RFTN1: variants seen among roughly 807,000 people sequenced by gnomAD.
The protein encoded by RFTN1 is raftlin, lipid raft linker 1, also known as raftlin.
Under a neutral mutation model 46.5 loss-of-function variants are expected in RFTN1, and 26 were observed. The ratio of observed to expected loss-of-function variants is 0.56; its 90% CI spans 0.41 to 0.78. RFTN1 has a LOEUF of 0.78. Ranked by LOEUF, RFTN1 falls within the 30% of genes least tolerant of loss-of-function variation. The pLI is 0.00. For missense variants in RFTN1, 693 were observed against 718.7 expected, an observed-to-expected ratio of 0.96 and a Z score of 0.41; for synonymous variants, 261 against 284.2, an observed-to-expected ratio of 0.92 and a Z score of 0.82.
At position 16,410,284 on chromosome 3, in the gene RFTN1, G is replaced by A. The variant is rs913945811; in HGVS notation, c.333-801C>T. On this transcript the variant is annotated intron_variant, in intron 3 of 9. Coordinates refer to ENST00000334133, the MANE Select transcript of RFTN1 (RefSeq NM_015150.2). The surrounding 1 kb of genome is among the most constrained non-coding windows in gnomAD (Gnocchi z 4.6). ...AAACTCTCACTCCAGTAATGTCTAT[G>A]TCCCATTGGTTTATATCCGCCAGGG... Among the ~76,000 whole-genome samples, 2 of 149,016 alleles carry A rather than the reference G, an allele frequency of 1.3e-5. No homozygotes were observed. Among genetic ancestry groups the A allele is most frequent in the African/African-American group, 5.0e-5 (2 of 40,042 alleles).
At chr3:16,388,186 C>A (rs2125397787) in intron 4 of RFTN1, among the ~76,000 whole-genome samples, 1 of 152,342 alleles carries the variant, frequency 6.6e-6, no homozygotes, top group Non-Finnish European at 1.5e-5. Context: ...GGCCTCAGCA[C>A]TTTGCAGATC....
At chr3:16,419,546 C>T (rs1238614200) in intron 3 of RFTN1, among the ~76,000 whole-genome samples, 1 of 152,132 alleles carries the variant, frequency 6.6e-6, no homozygotes, top group African/African-American at 2.4e-5. Flanking sequence ...GAATAACCTG[C>T]ACCTTCCCAG....
intron 6 of RFTN1, among the ~76,000 whole-genome samples, chr3:16,368,676 C>T (rs1427740747): frequency 7.1e-6 from 1 of 141,786 alleles, no homozygotes; most frequent in East Asian, 2.1e-4. Context: ...GAGACTCTGT[C>T]CAAAAAAAAA....
In RFTN1 at chr3:16,448,767, C is replaced by T. The variant is rs916788035; in HGVS notation, c.146-14730G>A. On this transcript the variant is annotated intron_variant, in intron 2 of 9. Coordinates refer to ENST00000334133, the MANE Select transcript of RFTN1 (RefSeq NM_015150.2). The surrounding 1 kb of genome is among the most constrained non-coding windows in gnomAD (Gnocchi z 4.1). ...TTCTGCCCCATTGGCAGGCCCCAAA[C>T]ATCCTCCTGAGTCACAAGTCTCACC... 6.6e-6 allele frequency among the ~76,000 whole-genome samples: 1 copy of T among 152,208 alleles called. No homozygotes were observed. Among genetic ancestry groups the T allele is most frequent in the African/African-American group, 2.4e-5 (1 of 41,454 alleles).
intron 4 of RFTN1, among the ~76,000 whole-genome samples, chr3:16,406,629 T>C (rs2074864197): frequency 6.6e-6 from 1 of 152,204 alleles, no homozygotes; most frequent in Non-Finnish European, 1.5e-5. Context: ...CCTATTATTT[T>C]CAAAACGTTA....
chr3:16,367,624 G>A (rs2073271058), intron 6 of RFTN1, among the ~76,000 whole-genome samples: 1 of 152,028 alleles, frequency 6.6e-6, no homozygotes, highest in African/African-American at 2.4e-5. Context: ...CTTCAGGGCA[G>A]GAAGAATGAA....
At chr3:16,454,211 T>C (rs550622548) in intron 2 of RFTN1, among the ~76,000 whole-genome samples, 1 of 152,336 alleles carries the variant, frequency 6.6e-6, no homozygotes, top group African/African-American at 2.4e-5. Flanking sequence ...AACCCACTCT[T>C]ATATATCTTT....
In RFTN1 at chr3:16,383,668, G is replaced by A. The variant is rs376140183; in HGVS notation, c.442-5566C>T. On this transcript the variant is annotated intron_variant, in intron 4 of 9. Transcript: ENST00000334133. This position sits in a 1 kb window ranked among gnomAD's most constrained non-coding sequence, Gnocchi z 4.0. ...ATACTCTATGTGCATGCGAATATAC[G>A]TATTTGTGATTTAGAGTATGTGTAT... 1.6e-4 allele frequency among the ~76,000 whole-genome samples: 24 copies of A among 152,282 alleles called. No individual in the cohort carries two copies. Among genetic ancestry groups the A allele is most frequent in the Middle Eastern group, 6.8e-3 (2 of 294 alleles).
chr3:16,443,835 A>G lies in RFTN1; in HGVS notation c.146-9798T>C, dbSNP rs34796226. Among the ~76,000 whole-genome samples the G allele has an allele frequency of 0.033, 4,977 of 152,218 alleles. 121 individuals carry two copies. Among genetic ancestry groups the G allele is most frequent in the Middle Eastern group, 0.065 (19 of 294 alleles). On this transcript the variant is annotated intron_variant, in intron 2 of 9. Transcript: ENST00000334133. This position sits in a 1 kb window ranked among gnomAD's most constrained non-coding sequence, Gnocchi z 5.5. ...CAGGTATTTGTAAGGAGACTGACTC[A>G]ACAATTTCCATTGACTGCATCCATT...
chr3:16,338,603 A>T lies in RFTN1; in HGVS notation c.1147-11727T>A, dbSNP rs149736244. The stretch of plus-strand genomic sequence containing the variant: ...AAAAAGAAACATTTTCTCCATCCAG[A>T]GACTTGCCAGGTCCCTCCTACTGGC... On this transcript the variant is annotated intron_variant, in intron 7 of 9. Coordinates refer to ENST00000334133, the MANE Select transcript of RFTN1 (RefSeq NM_015150.2). This position sits in a 1 kb window ranked among gnomAD's most constrained non-coding sequence, Gnocchi z 5.3. Among the ~76,000 whole-genome samples the T allele has an allele frequency of 2.4e-3, 359 of 152,330 alleles. 2 individuals carry two copies. The highest frequency in any genetic ancestry group is 7.9e-3 in the African/African-American group (328 of 41,576).
intron 7 of RFTN1, among the ~76,000 whole-genome samples, chr3:16,343,029 G>C (rs183356047): frequency 1.3e-5 from 2 of 152,218 alleles, no homozygotes; most frequent in East Asian, 1.9e-4. Flanking sequence ...TTAATGTAGA[G>C]AGACAAGGTC....
At chr3:16,391,070 C>T (rs1319523598) in intron 4 of RFTN1, among the ~76,000 whole-genome samples, 1 of 152,018 alleles carries the variant, frequency 6.6e-6, no homozygotes, top group African/African-American at 2.4e-5. Flanking sequence ...CCATCAATAC[C>T]ACCACTATCA....
At chr3:16,319,073 C>T (rs933714956) in intron 9 of RFTN1, among the ~76,000 whole-genome samples, 1 of 152,214 alleles carries the variant, frequency 6.6e-6, no homozygotes, top group Non-Finnish European at 1.5e-5. Flanking sequence ...TTCGTAACTG[C>T]TGCCCTGTGT....
intron 3 of RFTN1, among the ~76,000 whole-genome samples, chr3:16,417,850 G>A (rs983763380): frequency 7.2e-5 from 11 of 152,182 alleles, no homozygotes; most frequent in Admixed American, 4.6e-4. Flanking sequence ...TGGGACTACA[G>A]GCGTGTACCA....
At chr3:16,467,924 G>A (rs930625751) in intron 2 of RFTN1, among the ~76,000 whole-genome samples, 1 of 152,168 alleles carries the variant, frequency 6.6e-6, no homozygotes, top group African/African-American at 2.4e-5. Context: ...CCACCTAAGA[G>A]TACACTTTGG....
rs1050789938 is a variant in RFTN1 at position 16,425,394 on chromosome 3, T to C, written c.332+8457A>G. The stretch of plus-strand genomic sequence containing the variant: ...TGCATTTGTTTGGGTACCTGCTCAC[T>C]GTTCTCTGTCATTTCAAAATAGTTC... On this transcript the variant is annotated intron_variant, in intron 3 of 9. Transcript: ENST00000334133. The surrounding 1 kb of genome is among the most constrained non-coding windows in gnomAD (Gnocchi z 4.3). 6.6e-6 allele frequency among the ~76,000 whole-genome samples: 1 copy of C among 152,256 alleles called. No individual in the cohort carries two copies. The highest frequency in any genetic ancestry group is 2.4e-5 in the African/African-American group (1 of 41,474).
intron 2 of RFTN1, among the ~76,000 whole-genome samples, chr3:16,439,512 A>G (rs1024159778): frequency 2.6e-5 from 4 of 152,262 alleles, no homozygotes; most frequent in African/African-American, 9.6e-5. Flanking sequence ...AGGCGCTTTC[A>G]ACTTTAAAAT....
chr3:16,390,108 G>T (rs2074311455), intron 4 of RFTN1, among the ~76,000 whole-genome samples: 1 of 152,196 alleles, frequency 6.6e-6, no homozygotes, highest in African/African-American at 2.4e-5. Flanking sequence ...AGCTGCCTCT[G>T]CCAAGTACTG....
At position 16,506,410 on chromosome 3, in the gene RFTN1, T is replaced by C. The variant is rs1006587712; in HGVS notation, c.-9+7032A>G. On this transcript the variant is annotated intron_variant, in intron 1 of 9. Coordinates refer to ENST00000334133, the MANE Select transcript of RFTN1 (RefSeq NM_015150.2). The surrounding 1 kb of genome is among the most constrained non-coding windows in gnomAD (Gnocchi z 4.8). Reference sequence around the variant, plus strand: ...TGGAAGCCTCTGGAAGGTTTCGAGCTGAAAGAAGACATCAATTACTCTGGC... The same window carrying C: ...TGGAAGCCTCTGGAAGGTTTCGAGCCGAAAGAAGACATCAATTACTCTGGC... Among the ~76,000 whole-genome samples the C allele has an allele frequency of 6.6e-6, 1 of 152,050 alleles. No individual in the cohort carries two copies. Among genetic ancestry groups the C allele is most frequent in the African/African-American group, 2.4e-5 (1 of 41,386 alleles).
Sources: allele counts gnomAD v4.1 joint callset (sites outside exome capture counted in the v4.1 genomes callset), GRCh38; gene constraint gnomAD v4.1.1; non-coding constraint Gnocchi (gnomAD v3.1); transcripts MANE v1.5; gene names NCBI Gene and HGNC (gene_info 2026-07-23, HGNC 2026-07-21).